PTPRD: variants seen among roughly 807,000 people sequenced by gnomAD.
PTPRD encodes the protein receptor-type tyrosine-protein phosphatase delta.
PTPRD carries 34 observed loss-of-function variants against 214.5 expected under a neutral mutation model. That is an observed-to-expected ratio of 0.16 (90% CI 0.12 to 0.21). The LOEUF (loss-of-function observed/expected upper bound fraction) is 0.21. Among genes scored for constraint, PTPRD ranks in the 10% least tolerant of loss-of-function variants. The pLI is 1.00. For missense variants in PTPRD, 2,545 were observed against 2,398.7 expected (o/e 1.06, Z -1.27); for synonymous variants, 1,128 against 845.7 (o/e 1.33, Z -5.79).
intron 6 of PTPRD, among the ~76,000 whole-genome samples, chr9:9,739,850 G>C (rs1184306163): frequency 6.6e-6 from 1 of 151,636 alleles, no homozygotes; most frequent in African/African-American, 2.4e-5. Flanking sequence ...TAAATTACAG[G>C]TTTCACTTGT....
Position 8,331,839 on chromosome 9 carries a change from A to AAAGGGTAGAAAAAGTTAGGAACATGTTT in PTPRD, c.5380-131_5380-104dup, listed in dbSNP as rs1292391476. 1.9e-5 allele frequency: 26 copies of AAAGGGTAGAAAAAGTTAGGAACATGTTT among 1,382,718 alleles called. 1 individual carries two copies. In the Admixed American group the frequency reaches 5.0e-4, roughly 27 times the overall value. 85.7% of individuals were successfully genotyped at this position (1,382,718 alleles called of 1,614,324 possible). A position where few individuals can be genotyped will look rare whatever the true frequency, so the allele number is the denominator to read the frequency against. ...AATCATTTTCATTTCCCGAAAACAA[A>AAAGGGTAGAAAAAGTTAGGAACATGTTT]AAGGGTAGAAAAAGTTAGGAACATG... On this transcript the variant is annotated intron_variant, in intron 43 of 45. Transcript: ENST00000381196.
At chr9:8,495,729 G>A (rs951702961) in intron 26 of PTPRD, among the ~76,000 whole-genome samples, 4 of 152,168 alleles carry the variant, frequency 2.6e-5, no homozygotes, top group African/African-American at 7.2e-5. Context: ...ATTTCTTACT[G>A]TGAGTTATAG....
chr9:9,695,594 G>A (rs763400715), intron 7 of PTPRD, among the ~76,000 whole-genome samples: 2 of 152,046 alleles, frequency 1.3e-5, no homozygotes, highest in East Asian at 1.9e-4. Context: ...CCAGTTTATT[G>A]AGAGTTTTTA....
chr9:9,954,805 T>C (rs369687484), intron 4 of PTPRD, among the ~76,000 whole-genome samples: 1 of 152,154 alleles, frequency 6.6e-6, no homozygotes, highest in Non-Finnish European at 1.5e-5. Flanking sequence ...TAACTATATA[T>C]ACAATATAAG....
chr9:9,104,495 G>A (rs1337332906), intron 10 of PTPRD, among the ~76,000 whole-genome samples: 1 of 152,100 alleles, frequency 6.6e-6, no homozygotes, highest in African/African-American at 2.4e-5. Context: ...GTTTTATAAA[G>A]GCTGTTTAAT....
rs538239317 is a variant in PTPRD, at chr9:10,305,731, C to G, written c.-545+35232G>C. ...TCAAAACTACAATGAGATACCTTCTCACTTCAGTTACAATGGCAATAATTA... is the reference window on the plus strand; with the variant it reads ...TCAAAACTACAATGAGATACCTTCTGACTTCAGTTACAATGGCAATAATTA... On this transcript the variant is annotated intron_variant, in intron 3 of 45. Coordinates refer to ENST00000381196, the MANE Select transcript of PTPRD (RefSeq NM_002839.4). Among the ~76,000 whole-genome samples the G allele has an allele frequency of 4.6e-5, 7 of 152,244 alleles. No individual in the cohort carries two copies. In the South Asian group the frequency reaches 1.5e-3, roughly 32 times the overall value.
rs568048745 is a variant in PTPRD at position 9,686,152 on chromosome 9, A to AT, written c.-287+48380dup. 5.2e-4 allele frequency among the ~76,000 whole-genome samples: 78 copies of AT among 151,180 alleles called. No individual in the cohort carries two copies. In the South Asian group the frequency reaches 0.011, roughly 21 times the overall value. On this transcript the variant is annotated intron_variant, in intron 7 of 45. Coordinates refer to ENST00000381196, the MANE Select transcript of PTPRD (RefSeq NM_002839.4). ...TTTTGTTGTTGCTGTTGTTGAAATA[A>AT]TTTTTTTTAATTTTCAAATGTTACG...
At position 8,948,465 on chromosome 9, in the gene PTPRD, TTAC is replaced by T. The variant is rs2099081219; in HGVS notation, c.-104+70229_-104+70231del. The stretch of plus-strand genomic sequence containing the variant: ...CATATATATATATTTATATATATAT[TTAC>T]ATATATATATATTTATATATATATT... On this transcript the variant is annotated intron_variant, in intron 11 of 45. Transcript: ENST00000381196. 7.4e-4 allele frequency among the ~76,000 whole-genome samples: 5 copies of T among 6,726 alleles called. 2 individuals are homozygous for T. Among genetic ancestry groups the T allele is most frequent in the Non-Finnish European group, 1.5e-3 (5 of 3,266 alleles). 4.4% of individuals were successfully genotyped at this position (6,726 alleles called of 152,430 possible). A position where few individuals can be genotyped will look rare whatever the true frequency, so the allele number is the denominator to read the frequency against.
chr9:10,049,594 G>A (rs978159679), intron 3 of PTPRD, among the ~76,000 whole-genome samples: 1 of 152,152 alleles, frequency 6.6e-6, no homozygotes, highest in African/African-American at 2.4e-5. Context: ...ATCTTTTGAA[G>A]AGAAAGTTAA....
chr9:8,747,892 G>C (rs867508556), intron 11 of PTPRD, among the ~76,000 whole-genome samples: 18 of 152,158 alleles, frequency 1.2e-4, no homozygotes, highest in African/African-American at 4.3e-4. Context: ...CTGCACTGCA[G>C]GCCATACATT....
intron 7 of PTPRD, among the ~76,000 whole-genome samples, chr9:9,705,729 T>C (rs980209992): frequency 2.6e-5 from 4 of 152,192 alleles, no homozygotes; most frequent in African/African-American, 9.6e-5. Context: ...GTCATACTAA[T>C]GTACAAAAAA....
At chr9:10,225,166 A>G (rs942072974) in intron 3 of PTPRD, among the ~76,000 whole-genome samples, 1 of 151,976 alleles carries the variant, frequency 6.6e-6, no homozygotes, top group Admixed American at 6.6e-5. Context: ...TTTATTATCA[A>G]AAGAGATGAA....
chr9:9,627,772 T>C (rs981267319), intron 7 of PTPRD, among the ~76,000 whole-genome samples: 1 of 152,232 alleles, frequency 6.6e-6, no homozygotes, highest in African/African-American at 2.4e-5. Context: ...TTCTGAAGTA[T>C]GAATTTGCAT....
At chr9:8,794,189 C>T (rs1349992688) in intron 11 of PTPRD, among the ~76,000 whole-genome samples, 1 of 152,160 alleles carries the variant, frequency 6.6e-6, no homozygotes, top group African/African-American at 2.4e-5. Context: ...GCAAAAACAT[C>T]TGCTCCCTAA....
intron 3 of PTPRD, among the ~76,000 whole-genome samples, chr9:10,082,131 A>G (rs1412072221): frequency 3.3e-5 from 5 of 152,082 alleles, no homozygotes; most frequent in Non-Finnish European, 4.4e-5. Flanking sequence ...TATAATCCAA[A>G]ATTCAATGAT....
intron 8 of PTPRD, among the ~76,000 whole-genome samples, chr9:9,409,649 C>A (rs1485082392): frequency 6.6e-6 from 1 of 151,918 alleles, no homozygotes; most frequent in Non-Finnish European, 1.5e-5. Flanking sequence ...AGGAACCCAC[C>A]ATAAGGGAGA....
At chr9:10,514,158 GA>G (rs1425378880) in intron 2 of PTPRD, among the ~76,000 whole-genome samples, 1 of 151,984 alleles carries the variant, frequency 6.6e-6, no homozygotes, top group Non-Finnish European at 1.5e-5. Flanking sequence ...TTTATAAAAT[GA>G]ATAATCAACT....
intron 39 of PTPRD, among the ~76,000 whole-genome samples, chr9:8,357,058 G>A (rs1330949638): frequency 3.9e-5 from 6 of 152,138 alleles, no homozygotes; most frequent in Non-Finnish European, 8.8e-5. Context: ...ATTAACTCAT[G>A]GATATCTATT....
At chr9:8,647,880 C>G (rs1002488596) in intron 12 of PTPRD, among the ~76,000 whole-genome samples, 1 of 152,142 alleles carries the variant, frequency 6.6e-6, no homozygotes, top group African/African-American at 2.4e-5. Flanking sequence ...ACTAAGCAAC[C>G]AGTAAATGTT....
Sources: allele counts gnomAD v4.1 joint callset (sites outside exome capture counted in the v4.1 genomes callset), GRCh38; gene constraint gnomAD v4.1.1; transcripts MANE v1.5; gene names NCBI Gene and HGNC (gene_info 2026-07-23, HGNC 2026-07-21).